Variants in RASGRP1 observed in about 807,000 individuals in gnomAD.
The protein encoded by RASGRP1 is RAS guanyl-releasing protein 1.
A neutral mutation model predicts 95.1 loss-of-function variants in RASGRP1; 37 were observed. The observed-to-expected ratio is 0.39, with a 90% CI of 0.30 to 0.51. The LOEUF (loss-of-function observed/expected upper bound fraction) is 0.51. Among genes scored for constraint, RASGRP1 ranks in the 20% least tolerant of loss-of-function variants. RASGRP1 has a pLI of 0.80. For missense variants in RASGRP1, 711 were observed against 965.4 expected (o/e 0.74, Z 3.49); for synonymous variants, 325 against 353.4 (o/e 0.92, Z 0.90).
chr15:38,550,609 TAGA>T (rs911327093), intron 2 of RASGRP1, among the ~76,000 whole-genome samples: 31 of 152,202 alleles, frequency 2.0e-4, no homozygotes, highest in African/African-American at 7.5e-4. Flanking sequence ...AATTTTAAAA[TAGA>T]AGAGCAACCT....
Position 38,564,696 on chromosome 15 carries a change from C to T in RASGRP1, c.-68G>A. ...CGGGCGCGGCGCATCGCCCCCGCCA[C>T]CACCGCCGCCGCCTGCCGGCTCTCT... is the stretch of plus-strand genomic sequence containing the variant. On this transcript the variant is annotated 5_prime_UTR_variant, in exon 1 of 17. In the 5' UTR this introduces an upstream ATG that the reference lacks. Coordinates refer to ENST00000310803, the MANE Select transcript of RASGRP1 (RefSeq NM_005739.4). 1 of 1,173,196 alleles carries T rather than the reference C, an allele frequency of 8.5e-7. No individual in the cohort carries two copies. The highest frequency in any genetic ancestry group is 1.1e-6 in the Non-Finnish European group (1 of 946,290). 72.7% of individuals were successfully genotyped at this position (1,173,196 alleles called of 1,614,324 possible).
chr15:38,507,134 TTA>T (rs1166297129), intron 9 of RASGRP1, among the ~76,000 whole-genome samples: 2 of 152,188 alleles, frequency 1.3e-5, no homozygotes, highest in African/African-American at 4.8e-5. Flanking sequence ...TCTTGGACGG[TTA>T]TATGTCCATA....
chr15:38,561,939 G>A (rs1050960054), intron 1 of RASGRP1, among the ~76,000 whole-genome samples: 3 of 152,156 alleles, frequency 2.0e-5, no homozygotes, highest in Non-Finnish European at 2.9e-5. Context: ...CAGGTACCGT[G>A]CTGGGGACTG....
chr15:38,513,198 G>A (rs1390265647), intron 6 of RASGRP1, among the ~76,000 whole-genome samples: 2 of 152,198 alleles, frequency 1.3e-5, no homozygotes, highest in Non-Finnish European at 2.9e-5. Flanking sequence ...GGAATAAGTG[G>A]ATGTGTAGAC....
intron 2 of RASGRP1, among the ~76,000 whole-genome samples, chr15:38,547,779 T>G (rs1893158206): frequency 6.6e-6 from 1 of 152,148 alleles, no homozygotes; most frequent in African/African-American, 2.4e-5. Context: ...TGACGTGGCC[T>G]CCATAATCTT....
intron 15 of RASGRP1, among the ~76,000 whole-genome samples, chr15:38,497,260 C>G (rs1440929275): frequency 1.3e-5 from 2 of 152,138 alleles, no homozygotes; most frequent in South Asian, 2.1e-4. Context: ...CCAACCGTCC[C>G]CAACAAGCCC....
rs761383737 is a variant in RASGRP1, at chr15:38,507,931, T to C, written c.1037A>G (p.Glu346Gly). ...AATGGGGATCTTGAAGTCGGTGCAC[T>C]CTCCATAGGCTCGCCGGTAATTGTC... ...NYDNYRRAYG[E>G]CTDFKIPILG... Residue 346 changes from glutamate (E) to glycine (G), a missense_variant, in exon 9 of 17, where the codon GAG becomes GGG. This residue lies in a region of RASGRP1 where 491 missense variants were observed against 676.6 expected (regional missense o/e 0.73). Transcript: ENST00000310803. 1.1e-5 allele frequency: 17 copies of C among 1,612,752 alleles called. No homozygotes were observed. Among genetic ancestry groups the C allele is most frequent in the Non-Finnish European group, 1.4e-5 (17 of 1,179,586 alleles).
At position 38,564,614 on chromosome 15, in the gene RASGRP1, G is replaced by A. The variant is rs1368695428; in HGVS notation, c.15C>T (p.Gly5=). The change falls in exon 1 of 17, where the codon GGC becomes GGT. Residue 5 remains glycine, a synonymous_variant. Coordinates refer to ENST00000310803, the MANE Select transcript of RASGRP1 (RefSeq NM_005739.4). MGTL[G]KAREAPRKPS... is the part of the protein sequence containing the mutation. Reference sequence around the variant, plus strand: ...CTCACCGCGGAGCCTCTCTCGCCTTGCCCAGGGTGCCCATGGCCGCGGCCC... The same window carrying A: ...CTCACCGCGGAGCCTCTCTCGCCTTACCCAGGGTGCCCATGGCCGCGGCCC... The A allele has an allele frequency of 7.3e-7, 1 of 1,371,364 alleles. No individual in the cohort carries two copies. The highest frequency in any genetic ancestry group is 3.1e-5 in the East Asian group (1 of 32,612). 84.9% of individuals were successfully genotyped at this position (1,371,364 alleles called of 1,614,324 possible). A position where few individuals can be genotyped will look rare whatever the true frequency, so the allele number is the denominator to read the frequency against.
intron 6 of RASGRP1, among the ~76,000 whole-genome samples, chr15:38,514,300 A>T (rs983925928): frequency 7.9e-5 from 12 of 152,168 alleles, no homozygotes; most frequent in Admixed American, 1.3e-4. Flanking sequence ...CTTAAGAGAG[A>T]TATATAAAGC....
intron 16 of RASGRP1, among the ~76,000 whole-genome samples, chr15:38,493,918 A>G (rs1890692853): frequency 6.6e-6 from 1 of 152,240 alleles, no homozygotes; most frequent in African/African-American, 2.4e-5. Flanking sequence ...ATCCTAAACC[A>G]TAACCCTGAT....
intron 1 of RASGRP1, among the ~76,000 whole-genome samples, chr15:38,563,487 A>T (rs1893896133): frequency 6.6e-6 from 1 of 152,226 alleles, no homozygotes; most frequent in Admixed American, 6.5e-5. Flanking sequence ...GGTCAGTTTC[A>T]GGCTGAGCTT....
At chr15:38,532,420 C>A (rs75575274) in intron 2 of RASGRP1, among the ~76,000 whole-genome samples, 3,830 of 152,202 alleles carry the variant, frequency 0.025, 172 homozygotes, top group African/African-American at 0.088. Context: ...ACTCACTCAA[C>A]CTGCAGACCA....
At position 38,518,468 on chromosome 15, in the gene RASGRP1, G is replaced by A. The variant is rs769172224; in HGVS notation, c.390-45C>T. The stretch of plus-strand genomic sequence containing the variant: ...AAACACAATCCAAAACTGATACCAA[G>A]GACTCACAATTTGTTGGGTTCCAAA... On this transcript the variant is annotated intron_variant, in intron 4 of 16. Coordinates refer to ENST00000310803, the MANE Select transcript of RASGRP1 (RefSeq NM_005739.4). The A allele has an allele frequency of 1.9e-6, 3 of 1,569,898 alleles. No homozygotes were observed. In the Admixed American group the frequency reaches 5.6e-5, roughly 29 times the overall value.
At chr15:38,502,247 C>CAT (rs1204780385) in intron 12 of RASGRP1, 65 bp downstream of exon 12, 29 of 1,139,538 alleles carry the variant, frequency 2.5e-5, no homozygotes, top group Non-Finnish European at 3.2e-5. Context: ...CTTCTAGTGA[C>CAT]ATACCTATAA....
intron 5 of RASGRP1, 114 bp from the exon 6 acceptor site, chr15:38,516,464 T>G (rs1029224955): frequency 1.5e-6 from 2 of 1,304,720 alleles, no homozygotes; most frequent in Admixed American, 2.1e-5. Flanking sequence ...TAGCTAACTT[T>G]CCTTGTGAAT....
At chr15:38,547,863 G>A (rs979630046) in intron 2 of RASGRP1, among the ~76,000 whole-genome samples, 10 of 152,100 alleles carry the variant, frequency 6.6e-5, no homozygotes, top group African/African-American at 7.2e-5. Context: ...GTGTGCGCGC[G>A]CGCGTGTGTG....
chr15:38,555,384 C>T (rs1355155556), intron 2 of RASGRP1, among the ~76,000 whole-genome samples: 2 of 152,212 alleles, frequency 1.3e-5, no homozygotes, highest in Non-Finnish European at 2.9e-5. Flanking sequence ...ATATTTCTTA[C>T]ATTGAATGGA....
chr15:38,491,701 G>T (rs1890592443), intron 16 of RASGRP1, among the ~76,000 whole-genome samples: 1 of 152,082 alleles, frequency 6.6e-6, no homozygotes, highest in African/African-American at 2.4e-5. Flanking sequence ...GTCATTGTAA[G>T]GATTATACTT....
At chr15:38,495,065 CAG>C (rs2141077638) in intron 15 of RASGRP1, among the ~76,000 whole-genome samples, 1 of 152,268 alleles carries the variant, frequency 6.6e-6, no homozygotes, top group East Asian at 1.9e-4. Flanking sequence ...CTCAGTGCCA[CAG>C]AGTTTCATAA....
Sources: allele counts gnomAD v4.1 joint callset (sites outside exome capture counted in the v4.1 genomes callset), GRCh38; gene constraint gnomAD v4.1.1; regional missense constraint gnomAD v4.1.1; transcripts MANE v1.5; gene names NCBI Gene and HGNC (gene_info 2026-07-23, HGNC 2026-07-21).